Variants in RIMS1 observed in about 807,000 individuals in gnomAD.
The protein encoded by RIMS1 is regulating synaptic membrane exocytosis 1.
In RIMS1, 83 loss-of-function variants were observed where a neutral mutation model predicts 214.1. The ratio of observed to expected loss-of-function variants is 0.39; its 90% CI spans 0.32 to 0.47. The LOEUF is 0.47. Among genes scored for constraint, RIMS1 ranks in the 20% least tolerant of loss-of-function variants. The pLI, the probability that RIMS1 is intolerant of heterozygous loss-of-function variation, is 0.99. For synonymous variants in RIMS1, 793 were observed against 786.8 expected (o/e 1.01, Z -0.13); for missense variants, 2,050 against 2,161.8 (o/e 0.95, Z 1.03).
Position 72,274,270 on chromosome 6 carries a change from C to A in RIMS1, c.3399-79C>A. On this transcript the variant is annotated intron_variant, in intron 22 of 33. Coordinates refer to ENST00000521978, the MANE Select transcript of RIMS1 (RefSeq NM_014989.7). ...TGCCTTTATGGGGTGCTTTTCCAGT[C>A]CTCTTGTTCCATGTATTCTTTTATT... 3 of 968,776 alleles carry A rather than the reference C, an allele frequency of 3.1e-6. No homozygotes were observed. The Admixed American group carries it at 6.1e-5, about 20-fold the overall frequency. 60.0% of individuals were successfully genotyped at this position (968,776 alleles called of 1,614,324 possible).
chr6:72,252,041 T>G (rs972225767), intron 15 of RIMS1, among the ~76,000 whole-genome samples: 1 of 152,172 alleles, frequency 6.6e-6, no homozygotes, highest in Non-Finnish European at 1.5e-5. Context: ...TAGTTATTCA[T>G]AAGAAATGTT....
intron 6 of RIMS1, among the ~76,000 whole-genome samples, chr6:72,184,558 A>G (rs991881345): frequency 1.3e-5 from 2 of 152,248 alleles, no homozygotes; most frequent in African/African-American, 2.4e-5. Flanking sequence ...GCAGAAGGAT[A>G]GTCAAGGACC....
At chr6:72,037,635 G>A (rs955452359) in intron 2 of RIMS1, among the ~76,000 whole-genome samples, 14 of 152,000 alleles carry the variant, frequency 9.2e-5, no homozygotes, top group Non-Finnish European at 1.8e-4. Flanking sequence ...TTACAATCAA[G>A]ATAGTAAACA....
At chr6:72,158,718 G>C (rs2044819025) in intron 4 of RIMS1, among the ~76,000 whole-genome samples, 1 of 139,046 alleles carries the variant, frequency 7.2e-6, no homozygotes, top group East Asian at 2.0e-4. Flanking sequence ...CTTCATCCAT[G>C]TCCCTACAAA....
chr6:72,280,864 CA>C (rs371802888), intron 23 of RIMS1, among the ~76,000 whole-genome samples: 1 of 151,904 alleles, frequency 6.6e-6, no homozygotes, highest in Non-Finnish European at 1.5e-5. Flanking sequence ...CCAAGTAATG[CA>C]AAAAACATAG....
chr6:72,116,549 T>TTAA (rs1007467352), intron 4 of RIMS1, among the ~76,000 whole-genome samples: 4 of 152,130 alleles, frequency 2.6e-5, no homozygotes, highest in African/African-American at 9.6e-5. Flanking sequence ...AGGCAACTAT[T>TTAA]TAATCATCTT....
At chr6:72,289,071 G>C (rs1346441685) in intron 24 of RIMS1, among the ~76,000 whole-genome samples, 1 of 152,120 alleles carries the variant, frequency 6.6e-6, no homozygotes, top group Non-Finnish European at 1.5e-5. Context: ...TGATGCCACA[G>C]AAAGTTCACC....
chr6:72,097,788 TG>T (rs1413566635), intron 3 of RIMS1, among the ~76,000 whole-genome samples: 6 of 152,204 alleles, frequency 3.9e-5, no homozygotes, highest in African/African-American at 1.4e-4. Context: ...TACCTACTCC[TG>T]TTATGCCAGT....
intron 2 of RIMS1, among the ~76,000 whole-genome samples, chr6:72,001,418 C>A (rs1215835501): frequency 1.3e-5 from 2 of 152,092 alleles, no homozygotes; most frequent in Non-Finnish European, 2.9e-5. Flanking sequence ...TCTCTATGAT[C>A]CACCATTCTT....
At chr6:72,166,814 T>C (rs2046333697) in intron 4 of RIMS1, among the ~76,000 whole-genome samples, 2 of 152,216 alleles carry the variant, frequency 1.3e-5, no homozygotes, top group Non-Finnish European at 2.9e-5. Flanking sequence ...CTAAACTAAT[T>C]TATTAGTCTC....
At chr6:72,223,330 G>A (rs1447587448) in intron 6 of RIMS1, among the ~76,000 whole-genome samples, 1 of 152,058 alleles carries the variant, frequency 6.6e-6, no homozygotes, top group Non-Finnish European at 1.5e-5. Flanking sequence ...TTGAATCAAA[G>A]TTATTTTGAG....
intron 2 of RIMS1, among the ~76,000 whole-genome samples, chr6:72,049,531 G>T (rs1824028340): frequency 6.6e-6 from 1 of 152,168 alleles, no homozygotes; most frequent in South Asian, 2.1e-4. Context: ...AAGTGTCATT[G>T]CTTAACTTAA....
chr6:72,237,691 G>C, intron 8 of RIMS1, 132 bp from the exon 9 acceptor site: 1 of 594,912 alleles, frequency 1.7e-6, no homozygotes, highest in Non-Finnish European at 2.9e-6. Context: ...AAAAAAAAAA[G>C]TGCTTCACTT....
chr6:72,121,140 T>C (rs2038210712), intron 4 of RIMS1, among the ~76,000 whole-genome samples: 1 of 151,916 alleles, frequency 6.6e-6, no homozygotes, highest in African/African-American at 2.4e-5. Flanking sequence ...ACATGGTCTC[T>C]TTTTCAGTTC....
At chr6:72,005,571 C>G (rs1404234894) in intron 2 of RIMS1, among the ~76,000 whole-genome samples, 1 of 152,110 alleles carries the variant, frequency 6.6e-6, no homozygotes, top group East Asian at 1.9e-4. Context: ...TTTGCTTTCC[C>G]TTAAATTCAG....
chr6:72,217,314 A>G, intron 6 of RIMS1: 1 of 1,321,946 alleles, frequency 7.6e-7, no homozygotes, highest in African/African-American at 1.5e-5. Context: ...TATCCAAAAG[A>G]GTAAGATACT....
At chr6:72,197,440 T>C (rs1232785667) in intron 6 of RIMS1, among the ~76,000 whole-genome samples, 1 of 152,124 alleles carries the variant, frequency 6.6e-6, no homozygotes, top group Non-Finnish European at 1.5e-5. Context: ...CACATGTTGC[T>C]CAAGTTTAGT....
chr6:72,139,869 T>C (rs754431162), intron 4 of RIMS1, among the ~76,000 whole-genome samples: 28 of 152,200 alleles, frequency 1.8e-4, no homozygotes, highest in Non-Finnish European at 3.5e-4. Context: ...TTCTTCCAAA[T>C]CACCTAAACA....
intron 30 of RIMS1, 73 bp downstream of exon 30, chr6:72,390,809 A>C: frequency 6.6e-7 from 1 of 1,505,716 alleles, no homozygotes; most frequent in Non-Finnish European, 9.0e-7. Context: ...TAACAAAGCC[A>C]CTGAGTGTTA....
Sources: allele counts gnomAD v4.1 joint callset (sites outside exome capture counted in the v4.1 genomes callset), GRCh38; gene constraint gnomAD v4.1.1; transcripts MANE v1.5; gene names NCBI Gene and HGNC (gene_info 2026-07-23, HGNC 2026-07-21).